Variants in ZNF618 observed in about 807,000 individuals in gnomAD.
ZNF618 encodes neural precursor cell expressed, developmentally down-regulated 10.
Under a neutral mutation model 103.0 loss-of-function variants are expected in ZNF618, and 34 were observed. The observed-to-expected ratio is 0.33, with a 90% confidence interval of 0.25 to 0.44. The LOEUF is 0.44. Ranked by LOEUF, ZNF618 falls within the 20% of genes least tolerant of loss-of-function variation. The pLI, the probability that ZNF618 is intolerant of heterozygous loss-of-function variation, is 1.00. For missense variants in ZNF618, 1,059 were observed against 1,295.4 expected (o/e 0.82, Z 2.80); for synonymous variants, 551 against 542.2 (o/e 1.02, Z -0.23).
Position 114,049,619 on chromosome 9 carries a change from G to A in ZNF618, c.2317G>A (p.Ala773Thr), listed in dbSNP as rs1347508754. ...TYVRLEKLFTAKANDAGTVSK... is the reference protein window; with the variant it reads ...TYVRLEKLFTTKANDAGTVSK... ...CGTCAGGCTGGAGAAGCTGTTCACGGCCAAGGCCAACGACGCAGGCACTGT... is the reference window on the plus strand; with the variant it reads ...CGTCAGGCTGGAGAAGCTGTTCACGACCAAGGCCAACGACGCAGGCACTGT... Residue 773 changes from alanine (A) to threonine (T), a missense_variant, in exon 15 of 15, where the codon GCC becomes ACC. Around this residue, in one of 6 missense-constraint regions of ZNF618, gnomAD observed 272 missense variants for 380.1 expected, o/e 0.72. Coordinates refer to ENST00000374126, the MANE Select transcript of ZNF618 (RefSeq NM_001318042.2). The A allele has an allele frequency of 3.1e-6, 5 of 1,613,854 alleles. No individual in the cohort carries two copies. In the South Asian group the frequency reaches 5.5e-5, roughly 18 times the overall value.
Position 113,969,165 on chromosome 9 carries a change from A to C in ZNF618, c.77+5A>C, listed in dbSNP as rs1564234241. The stretch of plus-strand genomic sequence containing the variant: ...AAGGAAAAGCACTGCGAGCAGGTAC[A>C]CTCCCTCTCCCGCCCCCAGCTTGTC... On this transcript the variant is annotated splice_donor_5th_base_variant and intron_variant, in intron 2 of 14. Transcript: ENST00000374126. The C allele has an allele frequency of 1.2e-6, 2 of 1,613,080 alleles. No individual in the cohort carries two copies. The highest frequency in any genetic ancestry group is 1.7e-5 in the Admixed American group (1 of 59,920).
In ZNF618 at chr9:114,028,992, C is replaced by A. The variant is rs1435301778; in HGVS notation, c.1084+20C>A. The A allele has an allele frequency of 7.1e-6, 11 of 1,543,472 alleles. No homozygotes were observed. The South Asian group carries it at 1.3e-4, about 18-fold the overall frequency. ...CCGCAGGTACCAATGGCCTATGTGA[C>A]CCCCACACTTTCTCCCCCACTGCCC... On this transcript the variant is annotated intron_variant, in intron 11 of 14. Transcript: ENST00000374126.
At chr9:113,991,249 A>G (rs10759671) in intron 3 of ZNF618, among the ~76,000 whole-genome samples, 92,852 of 152,112 alleles carry the variant, frequency 0.61, 28,690 homozygotes, top group Middle Eastern at 0.74. Flanking sequence ...CCTTGGCCTC[A>G]CTGTACCTTA....
At chr9:113,942,402 A>G (rs1418849938) in intron 1 of ZNF618, among the ~76,000 whole-genome samples, 1 of 152,138 alleles carries the variant, frequency 6.6e-6, no homozygotes, top group African/African-American at 2.4e-5. Context: ...GGTAGGACGC[A>G]GGAGTTGAAA....
At chr9:113,884,636 T>C (rs890022093) in intron 1 of ZNF618, among the ~76,000 whole-genome samples, 2 of 152,052 alleles carry the variant, frequency 1.3e-5, no homozygotes, top group Non-Finnish European at 1.5e-5. Flanking sequence ...TCAGAGTCCT[T>C]AGTATTATAT....
At chr9:113,897,701 C>A (rs1335577283) in intron 1 of ZNF618, among the ~76,000 whole-genome samples, 1 of 152,028 alleles carries the variant, frequency 6.6e-6, no homozygotes, top group African/African-American at 2.4e-5. Context: ...ATATGTGTTT[C>A]CCCAGCTTTT....
rs369672597 is a variant in ZNF618 at position 114,050,316 on chromosome 9, A to ATGTGTGTG, written c.*154_*161dup. On this transcript the variant is annotated 3_prime_UTR_variant, in exon 15 of 15. Coordinates refer to ENST00000374126, the MANE Select transcript of ZNF618 (RefSeq NM_001318042.2). ...CTGGAAACTTAAGTGCTTTTTTTAT[A>ATGTGTGTG]TGTGTGTGTGTGCGTGTATGTACAC... is the stretch of plus-strand genomic sequence containing the variant. The ATGTGTGTG allele has an allele frequency of 1.1e-6, 1 of 919,934 alleles. No homozygotes were observed. Among genetic ancestry groups the ATGTGTGTG allele is most frequent in the East Asian group, 2.6e-5 (1 of 38,124 alleles). 57.0% of individuals were successfully genotyped at this position (919,934 alleles called of 1,614,324 possible).
intron 1 of ZNF618, among the ~76,000 whole-genome samples, chr9:113,966,532 G>A (rs987729173): frequency 1.3e-5 from 2 of 152,182 alleles, no homozygotes; most frequent in African/African-American, 2.4e-5. Context: ...TGGCTGTGAT[G>A]TATTTGTAAG....
intron 2 of ZNF618, among the ~76,000 whole-genome samples, chr9:113,986,693 G>C (rs1342910046): frequency 2.0e-5 from 3 of 152,122 alleles, no homozygotes; most frequent in African/African-American, 4.8e-5. Context: ...AGTCACACTG[G>C]GGGTTAGGGC....
In ZNF618 at chr9:114,049,555, C is replaced by T. The variant is rs571155485; in HGVS notation, c.2253C>T (p.Asn751=). 22 of 1,613,852 alleles carry T rather than the reference C, an allele frequency of 1.4e-5. No homozygotes were observed. In the East Asian group the frequency reaches 2.7e-4, roughly 20 times the overall value. The change falls in exon 15 of 15, where the codon AAC becomes AAT. Residue 751 remains asparagine (N), a synonymous_variant. Transcript: ENST00000374126. The part of the protein sequence containing the change: ...PVKQAVIELS[N]ESQPTLQLVL... ...AGCAGGCAGTCATCGAGCTGAGCAA[C>T]GAGAGCCAGCCCACCCTGCAGCTGG...
rs764812526 is a variant in ZNF618 at position 114,054,499 on chromosome 9, C to T, written c.*4332C>T. 1.3e-5 allele frequency: 2 copies of T among 152,420 alleles called. No individual in the cohort carries two copies. Among genetic ancestry groups the T allele is most frequent in the African/African-American group, 2.4e-5 (1 of 41,428 alleles). 9.4% of individuals were successfully genotyped at this position (152,420 alleles called of 1,614,324 possible). On this transcript the variant is annotated 3_prime_UTR_variant, in exon 15 of 15. Transcript: ENST00000374126. Reference sequence around the variant, plus strand: ...TCTTAAGGAGGGCTCCTAACAAGGCCGATGATTTAGACAGAACAAGAGACT... The same window carrying T: ...TCTTAAGGAGGGCTCCTAACAAGGCTGATGATTTAGACAGAACAAGAGACT...
At chr9:113,988,197 G>A (rs1839674701) in intron 2 of ZNF618, 124 bp from the exon 3 acceptor site, 1 of 1,324,724 alleles carries the variant, frequency 7.5e-7, no homozygotes, top group Non-Finnish European at 1.0e-6. Context: ...GGAGGCTAAG[G>A]GGGCCGGGGG....
chr9:113,903,824 T>A (rs1830752827), intron 1 of ZNF618, among the ~76,000 whole-genome samples: 1 of 152,104 alleles, frequency 6.6e-6, no homozygotes, highest in African/African-American at 2.4e-5. Context: ...GTGTGTAATG[T>A]CTTCAAAATT....
At chr9:113,923,020 T>C (rs1283728912) in intron 1 of ZNF618, among the ~76,000 whole-genome samples, 1 of 152,194 alleles carries the variant, frequency 6.6e-6, no homozygotes, top group African/African-American at 2.4e-5. Flanking sequence ...TGTACATGTT[T>C]TGTTAAGTAT....
intron 1 of ZNF618, among the ~76,000 whole-genome samples, chr9:113,887,741 G>A (rs577670410): frequency 7.2e-5 from 11 of 152,288 alleles, no homozygotes; most frequent in Non-Finnish European, 1.3e-4. Flanking sequence ...CGGCCCAGGC[G>A]GGTAGCAGCA....
At chr9:113,904,685 A>G (rs1830834198) in intron 1 of ZNF618, among the ~76,000 whole-genome samples, 1 of 152,220 alleles carries the variant, frequency 6.6e-6, no homozygotes, top group Non-Finnish European at 1.5e-5. Flanking sequence ...ATTAAAATCA[A>G]GGTGTCAGCC....
At chr9:113,934,361 A>G (rs1291206113) in intron 1 of ZNF618, among the ~76,000 whole-genome samples, 1 of 152,124 alleles carries the variant, frequency 6.6e-6, no homozygotes, top group Non-Finnish European at 1.5e-5. Context: ...GCCCAGCCTC[A>G]GGTCTGCCAC....
At position 114,055,656 on chromosome 9, in the gene ZNF618, A is replaced by G. The variant is rs1189000025; in HGVS notation, c.*5489A>G. On this transcript the variant is annotated 3_prime_UTR_variant, in exon 15 of 15. Coordinates refer to ENST00000374126, the MANE Select transcript of ZNF618 (RefSeq NM_001318042.2). ...GTTAAGACGTTCTAGGCAATACCAT[A>G]GACACATCTGACTGTGTCTCTCTCT... The G allele has an allele frequency of 1.3e-5, 2 of 148,778 alleles. No individual in the cohort carries two copies. Among genetic ancestry groups the G allele is most frequent in the African/African-American group, 5.0e-5 (2 of 40,076 alleles). 9.2% of individuals were successfully genotyped at this position (148,778 alleles called of 1,614,324 possible).
Position 113,988,361 on chromosome 9 carries a change from G to A in ZNF618, c.118G>A (p.Gly40Ser), listed in dbSNP as rs1299829494. 3 of 1,613,296 alleles carry A rather than the reference G, an allele frequency of 1.9e-6. No individual in the cohort carries two copies. The highest frequency in any genetic ancestry group is 2.5e-6 in the Non-Finnish European group (3 of 1,179,828). ...KRSQKSTKVEGPEPVPAEASL... is the reference protein window; with the variant it reads ...KRSQKSTKVESPEPVPAEASL... ...CAGCCAGAAGAGCACCAAGGTGGAG[G>A]GCCCAGAGCCAGTGCCAGCCGAGGC... is the stretch of plus-strand genomic sequence containing the variant. The change falls in exon 3 of 15, where the codon GGC (glycine) becomes AGC (serine). Residue 40 changes from glycine (G) to serine (S), a missense_variant. Physicochemically the swap from Gly to Ser is moderately conservative, Grantham distance 56. This residue lies in a region of ZNF618 where 194 missense variants were observed against 209.0 expected (regional missense o/e 0.93). Coordinates refer to ENST00000374126, the MANE Select transcript of ZNF618 (RefSeq NM_001318042.2).
Sources: gnomAD v4.1 joint callset for allele counts (sites outside exome capture counted in the v4.1 genomes callset) on GRCh38, gnomAD v4.1.1 for gene constraint, gnomAD v4.1.1 regional missense constraint, MANE v1.5 for transcripts, NCBI Gene and HGNC (gene_info 2026-07-23, HGNC 2026-07-21) for gene names.